Variants in NUP54 observed in about 807,000 individuals in gnomAD.
NUP54 encodes nucleoporin p54.
In NUP54, 27 loss-of-function variants were observed where a neutral mutation model predicts 66.4. The observed-to-expected ratio is 0.41, with a 90% CI of 0.30 to 0.56. The LOEUF is 0.56. NUP54 is among the 20% of genes least tolerant of loss of function. The probability of loss-of-function intolerance (pLI) is 0.34; values close to 1 mark genes in which losing one functional copy is unlikely to be tolerated. For synonymous variants in NUP54, 206 were observed against 210.7 expected, an observed-to-expected ratio of 0.98 and a Z score of 0.19; for missense variants, 486 against 596.3, an observed-to-expected ratio of 0.82 and a Z score of 1.93.
At chr4:76,136,627 G>A (rs1198883774) in intron 3 of NUP54, among the ~76,000 whole-genome samples, 2 of 152,120 alleles carry the variant, frequency 1.3e-5, no homozygotes, top group Non-Finnish European at 2.9e-5. Flanking sequence ...ATTATCAGGA[G>A]GGACTCAACG....
chr4:76,134,712 T>C (rs2109891054), intron 4 of NUP54, among the ~76,000 whole-genome samples: 1 of 141,936 alleles, frequency 7.0e-6, no homozygotes, highest in Non-Finnish European at 1.5e-5. Context: ...ACCAACTAAT[T>C]ATAATTTATT....
Position 76,120,901 on chromosome 4 carries a change from TAATATG to T in NUP54, c.1165-2713_1165-2708del, listed in dbSNP as rs199841437. Among the ~76,000 whole-genome samples, 603 of 152,340 alleles carry T rather than the reference TAATATG, an allele frequency of 4.0e-3. 6 individuals are homozygous for T. The highest frequency in any genetic ancestry group is 0.014 in the African/African-American group (581 of 41,570). On this transcript the variant is annotated intron_variant, in intron 9 of 11. Transcript: ENST00000264883. ...TGTCAAATTATAGGATCTCTTTGTA[TAATATG>T]AATATGAACACTAAATCTAAAATGA...
chr4:76,124,911 C>T (rs1355520582), intron 8 of NUP54, among the ~76,000 whole-genome samples, 155 bp from the exon 9 acceptor site: 1 of 152,130 alleles, frequency 6.6e-6, no homozygotes, highest in Non-Finnish European at 1.5e-5. Context: ...TATATTTCTT[C>T]CCTTTTTACA....
rs769546985 is a variant in NUP54, at chr4:76,115,320, A to T, written c.*46T>A. ...TTCATTCTTAAGGAAGGTCTGATGCAGTAAGAAGATGCATTTCACAAACCT... is the reference window on the plus strand; with the variant it reads ...TTCATTCTTAAGGAAGGTCTGATGCTGTAAGAAGATGCATTTCACAAACCT... On this transcript the variant is annotated 3_prime_UTR_variant, in exon 12 of 12. Transcript: ENST00000264883. The T allele has an allele frequency of 2.7e-6, 4 of 1,492,890 alleles. No homozygotes were observed. The African/African-American group carries it at 5.7e-5, about 21-fold the overall frequency. The allele number at this position is 1,492,890 out of a possible 1,614,324, so 92.5% of individuals were successfully genotyped here.
Position 76,144,468 on chromosome 4 carries a change from A to T in NUP54, c.73T>A (p.Phe25Ile). 1 of 1,587,932 alleles carries T rather than the reference A, an allele frequency of 6.3e-7. No homozygotes were observed. Among genetic ancestry groups the T allele is most frequent in the Non-Finnish European group, 8.5e-7 (1 of 1,172,226 alleles). Residue 25 changes from phenylalanine to isoleucine, a missense_variant, in exon 2 of 12, where the codon TTT becomes ATT. Physicochemically the swap from Phe to Ile is conservative, Grantham distance 21. Transcript: ENST00000264883. Reference sequence around the variant, plus strand: ...GTAGATGTTGTCCCAAATCCTCCAAACCCACCTAATTAAAAAAGAACAAAA... The same window carrying T: ...GTAGATGTTGTCCCAAATCCTCCAATCCCACCTAATTAAAAAAGAACAAAA... Reference protein sequence around the residue: ...AAATAAPAGGFGGFGTTSTTA... With the variant: ...AAATAAPAGGIGGFGTTSTTA...
chr4:76,139,252 A>G (rs2109900385), intron 3 of NUP54, among the ~76,000 whole-genome samples: 1 of 152,324 alleles, frequency 6.6e-6, no homozygotes, highest in South Asian at 2.1e-4. Context: ...GTAGTAAGAT[A>G]AAGATACGCT....
rs1731553147 is a variant in NUP54 at position 76,147,502 on chromosome 4, A to G, written c.67+806T>C. The G allele has an allele frequency of 3.1e-6, 4 of 1,289,562 alleles. No homozygotes were observed. The South Asian group carries it at 4.9e-5, about 16-fold the overall frequency. The allele number at this position is 1,289,562 out of a possible 1,614,324, so 79.9% of individuals were successfully genotyped here. Reference sequence around the variant, plus strand: ...ACCTGCACTTGCCAGACTGTTACCAAAATTGAACGGAGTCGCCGAGGTAGT... The same window carrying G: ...ACCTGCACTTGCCAGACTGTTACCAGAATTGAACGGAGTCGCCGAGGTAGT... On this transcript the variant is annotated intron_variant, in intron 1 of 11. Transcript: ENST00000264883.
intron 9 of NUP54, among the ~76,000 whole-genome samples, chr4:76,123,466 C>G (rs187666288): frequency 6.6e-6 from 1 of 152,066 alleles, no homozygotes; most frequent in African/African-American, 2.4e-5. Flanking sequence ...AAAACTTCCT[C>G]TGAGTTCCAA....
rs1018841018 is a variant in NUP54 at position 76,130,708 on chromosome 4, C to T, written c.1004G>A (p.Arg335Gln). Residue 335 changes from arginine to glutamine, a missense_variant, in exon 8 of 12, where the codon CGA becomes CAA. Arg to Gln is a conservative substitution (Grantham distance 43, BLOSUM62 1). Transcript: ENST00000264883. ...VPMVGFKELL[R>Q]RLKVQDQMTK... ...CATCTGATCTTGAACCTTCAGTCTT[C>T]GGAGAAGTTCCTTAAAACCCACCAT... is the stretch of plus-strand genomic sequence containing the variant. 4.3e-6 allele frequency: 7 copies of T among 1,613,584 alleles called. No homozygotes were observed. Among genetic ancestry groups the T allele is most frequent in the East Asian group, 2.2e-5 (1 of 44,838 alleles).
intron 3 of NUP54, among the ~76,000 whole-genome samples, chr4:76,139,490 A>T (rs956168320): frequency 2.6e-5 from 4 of 152,214 alleles, no homozygotes; most frequent in Non-Finnish European, 5.9e-5. Context: ...TTAACAAGAC[A>T]ACTGGAAAAT....
Position 76,141,247 on chromosome 4 carries a change from G to A in NUP54, c.295+2902C>T, listed in dbSNP as rs192100811. Among the ~76,000 whole-genome samples, 35 of 152,276 alleles carry A rather than the reference G, an allele frequency of 2.3e-4. No individual in the cohort carries two copies. In the East Asian group the frequency reaches 6.2e-3, roughly 27 times the overall value. On this transcript the variant is annotated intron_variant, in intron 3 of 11. Coordinates refer to ENST00000264883, the MANE Select transcript of NUP54 (RefSeq NM_017426.4). ...TTATGGTCAAAATCCTACTTGGCTT[G>A]GGGATAGGAGATGGCAGCATTTAAG...
chr4:76,134,445 T>C, intron 4 of NUP54, 83 bp from the exon 5 acceptor site: 1 of 1,132,228 alleles, frequency 8.8e-7, no homozygotes, highest in Non-Finnish European at 1.2e-6. Flanking sequence ...TAATATCTGC[T>C]AAAATGGGAA....
At chr4:76,141,142 A>G (rs574478090) in intron 3 of NUP54, among the ~76,000 whole-genome samples, 11 of 142,266 alleles carry the variant, frequency 7.7e-5, no homozygotes, top group Middle Eastern at 3.5e-3. Context: ...AAGGGAGCTA[A>G]TAAGTATGAG....
At chr4:76,127,565 A>AT (rs980946868) in intron 8 of NUP54, among the ~76,000 whole-genome samples, 29 of 151,908 alleles carry the variant, frequency 1.9e-4, no homozygotes, top group African/African-American at 7.0e-4. Context: ...TAAACTCTAA[A>AT]TTTTTTTTAA....
intron 11 of NUP54, among the ~76,000 whole-genome samples, chr4:76,116,088 G>C (rs540408005): frequency 6.6e-6 from 1 of 152,128 alleles, no homozygotes; most frequent in Non-Finnish European, 1.5e-5. Context: ...AGTAGATGGT[G>C]AACCATGATT....
intron 8 of NUP54, among the ~76,000 whole-genome samples, chr4:76,127,478 T>C (rs918690400): frequency 1.8e-5 from 2 of 113,046 alleles, no homozygotes; most frequent in African/African-American, 7.1e-5. Flanking sequence ...TAGAGAAAAA[T>C]AAATCTGAGT....
intron 5 of NUP54, among the ~76,000 whole-genome samples, chr4:76,133,472 A>AT (rs1158697845): frequency 5.9e-5 from 9 of 151,478 alleles, no homozygotes; most frequent in South Asian, 4.2e-4. Context: ...CGCCCGGCTG[A>AT]TTTTTTTTGT....
intron 8 of NUP54, among the ~76,000 whole-genome samples, chr4:76,128,089 A>C (rs1730619438): frequency 6.6e-6 from 1 of 152,210 alleles, no homozygotes; most frequent in African/African-American, 2.4e-5. Flanking sequence ...AAATGCTGAA[A>C]GGGAGCTCCA....
At chr4:76,115,545 C>A in intron 11 of NUP54, 51 bp from the exon 12 acceptor site, 3 of 1,453,252 alleles carry the variant, frequency 2.1e-6, no homozygotes, top group Non-Finnish European at 2.8e-6. Context: ...CTTAAAACTG[C>A]AAGCTAGTCA....
Sources: gnomAD v4.1 joint callset for allele counts (sites outside exome capture counted in the v4.1 genomes callset) on GRCh38, gnomAD v4.1.1 for gene constraint, MANE v1.5 for transcripts, NCBI Gene and HGNC (gene_info 2026-07-23, HGNC 2026-07-21) for gene names.